DMRT1: variants seen among roughly 807,000 people sequenced by gnomAD.
DMRT1 encodes the protein doublesex- and mab-3-related transcription factor 1.
Under a neutral mutation model 32.3 loss-of-function variants are expected in DMRT1, and 7 were observed. The observed-to-expected ratio is 0.22, with a 90% CI of 0.12 to 0.41. The LOEUF is 0.41. Among genes scored for constraint, DMRT1 ranks in the 10% least tolerant of loss-of-function variants. DMRT1 has a pLI of 1.00. For synonymous variants in DMRT1, 278 were observed against 206.1 expected (o/e 1.35, Z -2.99); for missense variants, 625 against 500.5 (o/e 1.25, Z -2.37).
intron 2 of DMRT1, among the ~76,000 whole-genome samples, chr9:885,847 G>A (rs1816907236): frequency 6.6e-6 from 1 of 152,184 alleles, no homozygotes; most frequent in African/African-American, 2.4e-5. Context: ...TGATAATTCT[G>A]TAATGGACTG....
At position 891,533 on chromosome 9, in the gene DMRT1, C is replaced by T. The variant is rs1295659088; in HGVS notation, c.539-2379C>T. Among the ~76,000 whole-genome samples the T allele has an allele frequency of 2.7e-4, 40 of 149,428 alleles. 1 individual carries two copies. Among genetic ancestry groups the T allele is most frequent in the Non-Finnish European group, 4.5e-4 (30 of 67,396 alleles). The stretch of plus-strand genomic sequence containing the variant: ...GTTTTACTTTTTTTTTTTTTTCTCC[C>T]AGACGGAGTCTTGCTCTGTCGCCCA... On this transcript the variant is annotated intron_variant, in intron 2 of 4. Transcript: ENST00000382276.
intron 3 of DMRT1, among the ~76,000 whole-genome samples, chr9:903,139 C>T (rs917530518): frequency 2.0e-5 from 3 of 152,132 alleles, no homozygotes; most frequent in Admixed American, 2.0e-4. Context: ...TCATTAGGTT[C>T]CTCTCTTTTA....
At chr9:865,569 A>C (rs1424409317) in intron 2 of DMRT1, among the ~76,000 whole-genome samples, 1 of 152,328 alleles carries the variant, frequency 6.6e-6, no homozygotes, top group East Asian at 1.9e-4. Context: ...GGAGGAGCAG[A>C]TGAATGAGCC....
intron 4 of DMRT1, 139 bp downstream of exon 4, chr9:917,046 C>T: frequency 1.1e-6 from 1 of 942,294 alleles, no homozygotes; most frequent in Non-Finnish European, 1.7e-6. Context: ...GGATAAGTAT[C>T]CTTTAAAGAA....
intron 3 of DMRT1, among the ~76,000 whole-genome samples, chr9:902,673 G>C (rs568467925): frequency 2.0e-5 from 3 of 151,754 alleles, no homozygotes; most frequent in Non-Finnish European, 4.4e-5. Flanking sequence ...ATTTTTAGTA[G>C]AGACAGGGTT....
At chr9:926,622 T>A (rs1818532305) in intron 4 of DMRT1, among the ~76,000 whole-genome samples, 1 of 152,068 alleles carries the variant, frequency 6.6e-6, no homozygotes, top group East Asian at 1.9e-4. Context: ...ATAGATTGAA[T>A]ACACAGAGCA....
At chr9:927,260 A>G (rs1447854770) in intron 4 of DMRT1, among the ~76,000 whole-genome samples, 1 of 152,254 alleles carries the variant, frequency 6.6e-6, no homozygotes, top group Non-Finnish European at 1.5e-5. Flanking sequence ...GTTAGTGAGC[A>G]GGAACAGTTA....
At chr9:920,543 A>G (rs1326146076) in intron 4 of DMRT1, among the ~76,000 whole-genome samples, 1 of 152,172 alleles carries the variant, frequency 6.6e-6, no homozygotes, top group Admixed American at 6.5e-5. Flanking sequence ...CTGCCTGCGT[A>G]TTCAGGAGTG....
chr9:954,184 C>T (rs540940253), intron 4 of DMRT1, among the ~76,000 whole-genome samples: 8 of 152,030 alleles, frequency 5.3e-5, no homozygotes, highest in Admixed American at 1.3e-4. Context: ...TCAGATTGCT[C>T]TTGAAATGCC....
At chr9:872,049 A>G (rs1193354258) in intron 2 of DMRT1, among the ~76,000 whole-genome samples, 1 of 151,300 alleles carries the variant, frequency 6.6e-6, no homozygotes, top group African/African-American at 2.5e-5. Context: ...GGTATAATTT[A>G]CATGCCATAA....
chr9:864,338 G>A (rs1815865699), intron 2 of DMRT1, among the ~76,000 whole-genome samples: 1 of 150,822 alleles, frequency 6.6e-6, no homozygotes, highest in Admixed American at 6.6e-5. Context: ...CGAGTAGCTG[G>A]GATTAAAGGT....
chr9:920,353 C>T (rs1818314701), intron 4 of DMRT1, among the ~76,000 whole-genome samples: 1 of 152,058 alleles, frequency 6.6e-6, no homozygotes, highest in South Asian at 2.1e-4. Context: ...GCCTGTGAGG[C>T]AGGAGGGAAA....
At chr9:944,647 G>A (rs181616265) in intron 4 of DMRT1, among the ~76,000 whole-genome samples, 4 of 152,218 alleles carry the variant, frequency 2.6e-5, no homozygotes, top group South Asian at 2.1e-4. Context: ...AACAGAATCC[G>A]TTGCCCTCAT....
At chr9:866,824 T>C (rs1437467750) in intron 2 of DMRT1, among the ~76,000 whole-genome samples, 1 of 152,126 alleles carries the variant, frequency 6.6e-6, no homozygotes, top group African/African-American at 2.4e-5. Context: ...CTTATCACCC[T>C]CTCCCTCAAT....
At chr9:845,428 G>T (rs1012206034) in intron 1 of DMRT1, among the ~76,000 whole-genome samples, 1 of 151,502 alleles carries the variant, frequency 6.6e-6, no homozygotes, top group African/African-American at 2.4e-5. Flanking sequence ...GGCTGGTCTC[G>T]AGCTCCTGAC....
In DMRT1 at chr9:912,775, A is replaced by G. The variant is rs143256343; in HGVS notation, c.823-3988A>G. ...GGTAATTGTAGAGCACTGGTTCTCA[A>G]TCTCGGTGTCATATTAGAATTAACT... On this transcript the variant is annotated intron_variant, in intron 3 of 4. Coordinates refer to ENST00000382276, the MANE Select transcript of DMRT1 (RefSeq NM_021951.3). 3.3e-5 allele frequency among the ~76,000 whole-genome samples: 5 copies of G among 151,972 alleles called. No individual in the cohort carries two copies. The East Asian group carries it at 9.7e-4, about 30-fold the overall frequency.
rs535524031 is a variant in DMRT1, at chr9:893,551, A to G, written c.539-361A>G. Among the ~76,000 whole-genome samples the G allele has an allele frequency of 2.4e-3, 358 of 152,338 alleles. 2 individuals carry two copies. The highest frequency in any genetic ancestry group is 7.5e-3 in the African/African-American group (313 of 41,586). ...CTAACCTATCTATGTGGCTACAATT[A>G]ATTTTGTTTTAAGAATGCACAATCA... is the stretch of plus-strand genomic sequence containing the variant. On this transcript the variant is annotated intron_variant, in intron 2 of 4. Transcript: ENST00000382276.
At chr9:871,398 T>C (rs572109741) in intron 2 of DMRT1, among the ~76,000 whole-genome samples, 21 of 150,154 alleles carry the variant, frequency 1.4e-4, no homozygotes, top group South Asian at 2.1e-4. Context: ...AGTGGCACAA[T>C]CTCGGCTCAC....
intron 2 of DMRT1, among the ~76,000 whole-genome samples, chr9:863,227 A>C (rs1362674131): frequency 7.0e-6 from 1 of 143,128 alleles, no homozygotes; most frequent in Non-Finnish European, 1.5e-5. Flanking sequence ...CTGAGGTGGG[A>C]GGATTGCCTG....
Sources: gnomAD v4.1 joint callset for allele counts (sites outside exome capture counted in the v4.1 genomes callset) on GRCh38, gnomAD v4.1.1 for gene constraint, MANE v1.5 for transcripts, NCBI Gene and HGNC (gene_info 2026-07-23, HGNC 2026-07-21) for gene names.